The following ASMT variants were observed in gnomAD, a reference collection of about 807,000 sequenced individuals.
ASMT encodes acetylserotonin O-methyltransferase, also known as acetylserotonin N-methyltransferase.
In ASMT, 53 loss-of-function variants were observed where a neutral mutation model predicts 41.3. The observed-to-expected ratio is 1.28, with a 90% CI of 1.03 to 1.61. ASMT has a LOEUF of 1.61. ASMT is among the 40% of genes most tolerant of loss of function. ASMT has a pLI of 0.00. For missense variants in ASMT, 531 were observed against 441.3 expected (o/e 1.20, Z -1.82); for synonymous variants, 231 against 184.8 (o/e 1.25, Z -2.03).
intron 1 of ASMT, 140 bp from the exon 2 acceptor site, chrX:1,622,998 CA>C (rs372723318): frequency 0.049 from 25,925 of 530,962 alleles, 61 homozygotes; most frequent in South Asian, 0.081. Flanking sequence ...GACTCTGTCT[CA>C]AAAAAAAAAA....
At chrX:1,636,693 T>G (rs1361028430) in intron 8 of ASMT, 133 bp downstream of exon 8, 16 of 1,348,266 alleles carry the variant, frequency 1.2e-5, no homozygotes, top group Non-Finnish European at 1.7e-5. Context: ...GGCTTTCCTT[T>G]TAGATAACGA....
In ASMT at chrX:1,627,744, C is replaced by T; in HGVS notation, c.416C>T (p.Ala139Val). 1 of 1,613,982 alleles carries T rather than the reference C, an allele frequency of 6.2e-7. No homozygotes were observed. The highest frequency in any genetic ancestry group is 8.5e-7 in the Non-Finnish European group (1 of 1,179,864). Residue 139 changes from alanine (A) to valine (V), a missense_variant, in exon 4 of 9, where the codon GCT (alanine) becomes GTT (valine). Physicochemically the swap from Ala to Val is moderately conservative, Grantham distance 64. Coordinates refer to ENST00000381241, the MANE Select transcript of ASMT (RefSeq NM_001171038.2). ...NQYLETFGVP[A>V]EELFTAIYRS... The stretch of plus-strand genomic sequence containing the variant: ...TACCTGGAGACGTTTGGCGTTCCCG[C>T]TGAAGAGCTTTTTACGGCCATCTAC...
chrX:1,631,115 C>T (rs1397195427), intron 5 of ASMT, among the ~76,000 whole-genome samples: 9 of 151,194 alleles, frequency 6.0e-5, no homozygotes, highest in African/African-American at 1.5e-4. Context: ...GGGGTTTCTC[C>T]GTGTTAGCCA....
chrX:1,618,145 A>C (rs746523196), intron 1 of ASMT, among the ~76,000 whole-genome samples: 9 of 152,106 alleles, frequency 5.9e-5, no homozygotes, highest in African/African-American at 1.9e-4. Context: ...AGCCTGGCTA[A>C]CTTTTATTTT....
At chrX:1,616,147 G>C (rs73620112) in intron 1 of ASMT, among the ~76,000 whole-genome samples, 3,679 of 148,102 alleles carry the variant, frequency 0.025, 248 homozygotes, top group African/African-American at 0.092. Context: ...TCCTGCTTCA[G>C]CCTCCCGAGT....
At chrX:1,627,902 T>A in intron 4 of ASMT, 131 bp downstream of exon 4, 1 of 885,500 alleles carries the variant, frequency 1.1e-6, no homozygotes, top group Non-Finnish European at 1.9e-6. Flanking sequence ...TAAAATAACA[T>A]CCCCTATCCC....
intron 2 of ASMT, 57 bp downstream of exon 2, chrX:1,623,370 C>G: frequency 6.3e-7 from 1 of 1,597,182 alleles, no homozygotes; most frequent in Non-Finnish European, 8.6e-7. Context: ...CTGCAGCCCA[C>G]GTGTTCTGTA....
intron 3 of ASMT, among the ~76,000 whole-genome samples, chrX:1,626,463 C>G (rs1259315133): frequency 6.6e-6 from 1 of 152,050 alleles, no homozygotes; most frequent in Non-Finnish European, 1.5e-5. Flanking sequence ...AACTCCTGAG[C>G]TCAGGCTATC....
chrX:1,621,349 G>T (rs1438635616), intron 1 of ASMT, among the ~76,000 whole-genome samples: 6 of 151,656 alleles, frequency 4.0e-5, no homozygotes, highest in Non-Finnish European at 7.4e-5. Flanking sequence ...ATGGAGTCTC[G>T]CTCTGTTGCC....
At chrX:1,617,475 A>G (rs1934177974) in intron 1 of ASMT, among the ~76,000 whole-genome samples, 1 of 152,006 alleles carries the variant, frequency 6.6e-6, no homozygotes, top group Admixed American at 6.6e-5. Flanking sequence ...CTGTCTCAGA[A>G]CAAAAACCAA....
intron 7 of ASMT, 106 bp downstream of exon 7, chrX:1,633,396 C>A: frequency 7.5e-7 from 1 of 1,329,608 alleles, no homozygotes; most frequent in Non-Finnish European, 1.1e-6. Context: ...TCCTCTCACT[C>A]CCGGAAACAC....
At chrX:1,622,912 A>C (rs1375296077) in intron 1 of ASMT, among the ~76,000 whole-genome samples, 9 of 151,988 alleles carry the variant, frequency 5.9e-5, no homozygotes, top group African/African-American at 2.2e-4. Flanking sequence ...ACTTCAACTC[A>C]AAATAAATAA....
At chrX:1,626,234 CTTTT>C (rs34658281) in intron 3 of ASMT, among the ~76,000 whole-genome samples, 16 of 127,216 alleles carry the variant, frequency 1.3e-4, no homozygotes, top group East Asian at 2.4e-4. Context: ...TTTTTATTTC[CTTTT>C]TTTTTTTTTT....
chrX:1,636,341 G>A, intron 7 of ASMT, 97 bp from the exon 8 acceptor site: 3 of 1,565,030 alleles, frequency 1.9e-6, no homozygotes, highest in Non-Finnish European at 2.6e-6. Context: ...CCTGGGAAAG[G>A]CGTGACCCAT....
chrX:1,616,320 A>G (rs1485517184), intron 1 of ASMT, among the ~76,000 whole-genome samples: 1 of 151,412 alleles, frequency 6.6e-6, no homozygotes, highest in Non-Finnish European at 1.5e-5. Flanking sequence ...ACAGAATAAC[A>G]TCGTGCTCAG....
intron 1 of ASMT, among the ~76,000 whole-genome samples, chrX:1,616,111 C>G (rs1934090686): frequency 6.6e-6 from 1 of 151,324 alleles, no homozygotes; most frequent in Non-Finnish European, 1.5e-5. Context: ...TCACTGCAAC[C>G]TCCGCCTCCA....
chrX:1,620,166 C>CTTTTTTTTT (rs1180256764), intron 1 of ASMT, among the ~76,000 whole-genome samples: 1 of 95,370 alleles, frequency 1.0e-5, no homozygotes, highest in Non-Finnish European at 2.0e-5. Context: ...ATTAATATAG[C>CTTTTTTTTT]TTTTTTTTTT....
In ASMT at chrX:1,629,824, C is replaced by T. The variant is rs144935309; in HGVS notation, c.447C>T (p.Ser149=). ...CAAGCGTGGTTTTGCATGCCAGGTC[C>T]GAGGGCGAGCGGCTACAGTTCATGC... is the stretch of plus-strand genomic sequence containing the variant. ...AEELFTAIYR[S]EGERLQFMQA... Residue 149 remains serine, a synonymous_variant, in exon 5 of 9, where the codon TCC becomes TCT. Coordinates refer to ENST00000381241, the MANE Select transcript of ASMT (RefSeq NM_001171038.2). The T allele has an allele frequency of 1.3e-4, 205 of 1,613,820 alleles. No homozygotes were observed. Among genetic ancestry groups the T allele is most frequent in the Middle Eastern group, 5.0e-4 (3 of 6,056 alleles).
rs767145504 is a variant in ASMT at position 1,642,867 on chromosome X, G to C, written c.975G>C (p.Gln325His). Residue 325 changes from glutamine (Q) to histidine (H), a missense_variant, in exon 9 of 9, where the codon CAG (glutamine) becomes CAC (histidine). Physicochemically the swap from Gln to His is conservative, Grantham distance 24 (BLOSUM62 0). Coordinates refer to ENST00000381241, the MANE Select transcript of ASMT (RefSeq NM_001171038.2). ...DEDRRGPLLT[Q>H]LYSLNMLVQT... is the part of the protein sequence containing the mutation. ...ACAGGCGAGGTCCTCTGCTCACGCAGCTCTACTCTCTGAACATGCTTGTGC... is the reference window on the plus strand; with the variant it reads ...ACAGGCGAGGTCCTCTGCTCACGCACCTCTACTCTCTGAACATGCTTGTGC... 1.2e-5 allele frequency: 20 copies of C among 1,613,958 alleles called. No homozygotes were observed. The South Asian group carries it at 2.2e-4, about 18-fold the overall frequency.
Sources: gnomAD v4.1 joint callset for allele counts (sites outside exome capture counted in the v4.1 genomes callset) on GRCh38, gnomAD v4.1.1 for gene constraint, MANE v1.5 for transcripts, NCBI Gene and HGNC (gene_info 2026-07-23, HGNC 2026-07-21) for gene names.